Variants in PPFIA1 observed in about 807,000 individuals in gnomAD.
The protein encoded by PPFIA1 is PPFI scaffold protein A1, also known as liprin-alpha-1.
Under a neutral mutation model 149.9 loss-of-function variants are expected in PPFIA1, and 25 were observed. That is an observed-to-expected ratio of 0.17 (90% CI 0.12 to 0.23). The LOEUF (loss-of-function observed/expected upper bound fraction) is 0.23. Ranked by LOEUF, PPFIA1 falls within the 10% of genes least tolerant of loss-of-function variation. The pLI is 1.00. For missense variants in PPFIA1, 1,362 were observed against 1,506.5 expected (o/e 0.90, Z 1.59); for synonymous variants, 549 against 552.8 (o/e 0.99, Z 0.10).
chr11:70,370,158 C>T (rs1282648757), intron 21 of PPFIA1, among the ~76,000 whole-genome samples: 1 of 151,650 alleles, frequency 6.6e-6, no homozygotes, highest in Non-Finnish European at 1.5e-5. Context: ...GCCATGTTGG[C>T]CAGGCTGGTC....
chr11:70,346,140 G>A, intron 15 of PPFIA1: 1 of 332,090 alleles, frequency 3.0e-6, no homozygotes, highest in Non-Finnish European at 6.2e-6. Flanking sequence ...TATTTATGAA[G>A]AGACCGGTAA....
At chr11:70,331,234 C>T (rs1227852880) in intron 8 of PPFIA1, among the ~76,000 whole-genome samples, 2 of 109,466 alleles carry the variant, frequency 1.8e-5, no homozygotes, top group Non-Finnish European at 3.9e-5. Context: ...GACTCCGTCT[C>T]AAAAAAAAAA....
chr11:70,332,422 A>G (rs1215934624), intron 9 of PPFIA1, among the ~76,000 whole-genome samples: 2 of 152,184 alleles, frequency 1.3e-5, no homozygotes, highest in East Asian at 3.8e-4. Flanking sequence ...AGTTTTTCTC[A>G]GAAATAGGAA....
chr11:70,307,007 A>G (rs1349029436), intron 2 of PPFIA1, among the ~76,000 whole-genome samples: 1 of 152,200 alleles, frequency 6.6e-6, no homozygotes, highest in Non-Finnish European at 1.5e-5. Flanking sequence ...AGTTGAGTAC[A>G]TGAAGAGATT....
At chr11:70,336,842 G>T (rs1465551546) in intron 11 of PPFIA1, among the ~76,000 whole-genome samples, 1 of 152,180 alleles carries the variant, frequency 6.6e-6, no homozygotes, top group Non-Finnish European at 1.5e-5. Flanking sequence ...TTGGTTGTTA[G>T]GATTGGGGTC....
At chr11:70,315,278 A>G (rs141847965) in intron 2 of PPFIA1, among the ~76,000 whole-genome samples, 1 of 152,316 alleles carries the variant, frequency 6.6e-6, no homozygotes, top group African/African-American at 2.4e-5. Context: ...CAGTGAGATG[A>G]TGAGACCAAA....
chr11:70,289,070 C>CA (rs1299407558), intron 2 of PPFIA1, among the ~76,000 whole-genome samples: 2 of 150,482 alleles, frequency 1.3e-5, no homozygotes, highest in Non-Finnish European at 2.9e-5. Flanking sequence ...CGGGTTCAAG[C>CA]AATTCTCCTG....
intron 10 of PPFIA1, 106 bp from the exon 11 acceptor site, chr11:70,335,457 G>T: frequency 1.5e-6 from 2 of 1,341,606 alleles, no homozygotes; most frequent in Admixed American, 3.9e-5. Context: ...GAGCAACTGG[G>T]GGAGGGGAGG....
intron 2 of PPFIA1, among the ~76,000 whole-genome samples, chr11:70,284,321 A>T (rs879647407): frequency 6.6e-6 from 1 of 152,244 alleles, no homozygotes; most frequent in Admixed American, 6.5e-5. Flanking sequence ...ATAGTTGAAT[A>T]TATCCTTTCA....
intron 2 of PPFIA1, among the ~76,000 whole-genome samples, chr11:70,299,008 G>T (rs2052288744): frequency 1.3e-5 from 2 of 152,102 alleles, no homozygotes; most frequent in Admixed American, 6.6e-5. Flanking sequence ...GGAGGCTGAG[G>T]CAGGCGGATC....
intron 9 of PPFIA1, chr11:70,332,896 C>T: frequency 2.5e-6 from 1 of 398,010 alleles, no homozygotes; most frequent in Non-Finnish European, 5.2e-6. Flanking sequence ...GCTCACACAC[C>T]TGTTCCTTCT....
At chr11:70,331,609 G>T (rs2054666903) in intron 8 of PPFIA1, among the ~76,000 whole-genome samples, 1 of 152,022 alleles carries the variant, frequency 6.6e-6, no homozygotes, top group Non-Finnish European at 1.5e-5. Context: ...CCGAAGTCCT[G>T]TCTCTACTAA....
intron 26 of PPFIA1, 143 bp from the exon 27 acceptor site, chr11:70,381,945 G>A (rs752138297): frequency 2.0e-5 from 13 of 651,526 alleles, no homozygotes; most frequent in Non-Finnish European, 3.0e-5. Flanking sequence ...GCTCCATCCC[G>A]CCCACTCAGG....
intron 9 of PPFIA1, 131 bp downstream of exon 9, chr11:70,332,225 G>A (rs1188809758): frequency 2.2e-5 from 25 of 1,132,478 alleles, no homozygotes; most frequent in Non-Finnish European, 3.0e-5. Context: ...TGGTTTGAGT[G>A]CTCTTTCATC....
At chr11:70,351,911 A>G (rs896453841) in intron 16 of PPFIA1, among the ~76,000 whole-genome samples, 2 of 152,230 alleles carry the variant, frequency 1.3e-5, no homozygotes, top group African/African-American at 4.8e-5. Flanking sequence ...TTTAGAGATA[A>G]CTGTGGATTG....
intron 16 of PPFIA1, 128 bp from the exon 17 acceptor site, chr11:70,354,173 A>C: frequency 9.9e-7 from 1 of 1,013,942 alleles, no homozygotes; most frequent in Non-Finnish European, 1.4e-6. Context: ...TGCCAGACTG[A>C]AACAAGACTT....
In PPFIA1 at chr11:70,326,582, T is replaced by G. The variant is rs750161792; in HGVS notation, c.709-15T>G. ...CAAACAAGGGTATTTAAGGATTTTT[T>G]TTTCCCCCTATCAGAGATCTTCTGA... On this transcript the variant is annotated splice_polypyrimidine_tract_variant and intron_variant, in intron 6 of 27. Transcript: ENST00000253925. 8.2e-6 allele frequency: 13 copies of G among 1,586,448 alleles called. No homozygotes were observed. In the South Asian group the frequency reaches 1.5e-4, roughly 18 times the overall value.
Position 70,354,429 on chromosome 11 carries a change from C to T in PPFIA1, c.2292C>T (p.His764=), listed in dbSNP as rs759317112. Residue 764 remains histidine, a synonymous_variant, in exon 17 of 28, where the codon CAC becomes CAT. Coordinates refer to ENST00000253925, the MANE Select transcript of PPFIA1 (RefSeq NM_003626.5). ...LHKGALHTVS[H]EDIRDIRNST... ...AAGGGGCGCTGCACACCGTCAGCCA[C>T]GAGGACATCAGGGACATAAGGAAGT... The T allele has an allele frequency of 5.0e-6, 8 of 1,613,832 alleles. No individual in the cohort carries two copies. The highest frequency in any genetic ancestry group is 3.3e-4 in the Middle Eastern group (2 of 6,062).
At chr11:70,379,055 C>CT (rs1467856885) in intron 26 of PPFIA1, among the ~76,000 whole-genome samples, 1 of 152,176 alleles carries the variant, frequency 6.6e-6, no homozygotes, top group Non-Finnish European at 1.5e-5. Flanking sequence ...ATGGTAGTGT[C>CT]TTCCTCATAG....
Sources: gnomAD v4.1 joint callset for allele counts (sites outside exome capture counted in the v4.1 genomes callset) on GRCh38, gnomAD v4.1.1 for gene constraint, MANE v1.5 for transcripts, NCBI Gene and HGNC (gene_info 2026-07-23, HGNC 2026-07-21) for gene names.